Variants in GRIN2A observed in about 807,000 individuals in gnomAD.
GRIN2A encodes glutamate ionotropic receptor NMDA type subunit 2A.
A neutral mutation model predicts 113.4 loss-of-function variants in GRIN2A; 22 were observed. The ratio of observed to expected loss-of-function variants is 0.19; its 90% CI spans 0.14 to 0.28. GRIN2A has a LOEUF of 0.28. Ranked by LOEUF, GRIN2A falls within the 10% of genes least tolerant of loss-of-function variation. The pLI is 1.00. For missense variants in GRIN2A, 1,502 were observed against 1,887.0 expected (o/e 0.80, Z 3.78); for synonymous variants, 827 against 738.4 (o/e 1.12, Z -1.94).
At chr16:10,165,128 G>T (rs768444156) in intron 2 of GRIN2A, among the ~76,000 whole-genome samples, 3 of 152,042 alleles carry the variant, frequency 2.0e-5, no homozygotes, top group Non-Finnish European at 1.5e-5. Flanking sequence ...ACAAGGTATT[G>T]GTTTTCATGG....
chr16:9,863,234 C>G lies in GRIN2A; in HGVS notation c.1123-13273G>C, dbSNP rs139329098. Among the ~76,000 whole-genome samples, 861 of 152,240 alleles carry G rather than the reference C, an allele frequency of 5.7e-3. 7 individuals carry two copies. The highest frequency in any genetic ancestry group is 0.019 in the African/African-American group (778 of 41,540). On this transcript the variant is annotated intron_variant, in intron 4 of 12. Coordinates refer to ENST00000330684, the MANE Select transcript of GRIN2A (RefSeq NM_001134407.3). ...ATATTTCATGGATCAGTTGGGAAGA[C>G]AGTATTAATAATTAGCACCATGCAG...
Position 9,762,569 on chromosome 16 carries a change from C to A in GRIN2A, c.*580G>T. The A allele has an allele frequency of 4.3e-6, 1 of 231,934 alleles. No individual in the cohort carries two copies. The highest frequency in any genetic ancestry group is 8.5e-6 in the Non-Finnish European group (1 of 117,094). 14.4% of individuals were successfully genotyped at this position (231,934 alleles called of 1,614,324 possible). ...CTATTCTTTAGGGGAGCCTGGAGTT[C>A]TTGGGGTGAGCCTGGGCTGTGATGG... On this transcript the variant is annotated 3_prime_UTR_variant, in exon 13 of 13. Transcript: ENST00000330684.
chr16:9,929,397 C>G (rs1204239557), intron 3 of GRIN2A, among the ~76,000 whole-genome samples: 1 of 152,230 alleles, frequency 6.6e-6, no homozygotes, highest in South Asian at 2.1e-4. Flanking sequence ...CCACCATCTA[C>G]TCAGCTATAC....
chr16:10,063,450 G>C (rs1342510260), intron 2 of GRIN2A, among the ~76,000 whole-genome samples: 1 of 152,140 alleles, frequency 6.6e-6, no homozygotes. Flanking sequence ...ACATAACCTG[G>C]TATTTGGCTT....
intron 2 of GRIN2A, among the ~76,000 whole-genome samples, chr16:10,114,537 T>G (rs1190883074): frequency 6.6e-6 from 1 of 152,226 alleles, no homozygotes; most frequent in African/African-American, 2.4e-5. Context: ...GTATCTTCTG[T>G]GTCCCCAGAA....
rs1596505734 is a variant in GRIN2A at position 10,101,373 on chromosome 16, G to A, written c.414+78625C>T. Among the ~76,000 whole-genome samples, 3 of 152,286 alleles carry A rather than the reference G, an allele frequency of 2.0e-5. No individual in the cohort carries two copies. In the South Asian group the frequency reaches 6.2e-4, roughly 32 times the overall value. On this transcript the variant is annotated intron_variant, in intron 2 of 12. Coordinates refer to ENST00000330684, the MANE Select transcript of GRIN2A (RefSeq NM_001134407.3). ...GAACAGAAACTAAAAGCCACAACAT[G>A]AAGCGTATACAAGAACCAGGTAAGT... is the stretch of plus-strand genomic sequence containing the variant.
chr16:9,909,131 G>A (rs1407963557), intron 3 of GRIN2A, among the ~76,000 whole-genome samples: 1 of 152,206 alleles, frequency 6.6e-6, no homozygotes, highest in Non-Finnish European at 1.5e-5. Flanking sequence ...GGAGGACCAA[G>A]TCATGTCTTA....
At chr16:9,776,274 C>T (rs1901596817) in intron 11 of GRIN2A, among the ~76,000 whole-genome samples, 1 of 131,304 alleles carries the variant, frequency 7.6e-6, no homozygotes, top group African/African-American at 2.8e-5. Flanking sequence ...CCATAACATC[C>T]TGGATTTTTT....
At chr16:9,940,093 G>A (rs886073849) in intron 2 of GRIN2A, among the ~76,000 whole-genome samples, 1 of 140,770 alleles carries the variant, frequency 7.1e-6, no homozygotes, top group Admixed American at 7.1e-5. Context: ...TGTGAAAGGT[G>A]GATGTTCCAT....
intron 2 of GRIN2A, among the ~76,000 whole-genome samples, chr16:10,040,572 T>TCACA (rs112132209): frequency 6.7e-6 from 1 of 149,898 alleles, no homozygotes; most frequent in African/African-American, 2.5e-5. Context: ...ACCCACATAT[T>TCACA]CACACACACA....
intron 2 of GRIN2A, among the ~76,000 whole-genome samples, chr16:10,174,893 T>C (rs1039731451): frequency 1.3e-5 from 2 of 150,656 alleles, no homozygotes; most frequent in African/African-American, 4.9e-5. Context: ...TACACATATA[T>C]ATATAGTACA....
intron 2 of GRIN2A, among the ~76,000 whole-genome samples, chr16:10,160,457 C>T (rs545031409): frequency 2.0e-5 from 3 of 152,270 alleles, no homozygotes; most frequent in South Asian, 2.1e-4. Context: ...TTAGGAACCA[C>T]GATATGGCAG....
chr16:9,817,790 C>T (rs1021175154), intron 10 of GRIN2A, among the ~76,000 whole-genome samples: 3 of 152,192 alleles, frequency 2.0e-5, no homozygotes, highest in Non-Finnish European at 4.4e-5. Context: ...GGTGTGCATG[C>T]ACGTGGCTTT....
chr16:9,942,426 C>T (rs995569906), intron 2 of GRIN2A, among the ~76,000 whole-genome samples: 4 of 152,120 alleles, frequency 2.6e-5, no homozygotes, highest in African/African-American at 9.7e-5. Context: ...TCTTTCTGGG[C>T]CTGAGTTTCT....
chr16:10,138,544 C>T (rs375249812), intron 2 of GRIN2A, among the ~76,000 whole-genome samples: 6 of 152,202 alleles, frequency 3.9e-5, no homozygotes, highest in Middle Eastern at 3.4e-3. Context: ...GGGGAAAATC[C>T]GCCCCCGTTA....
intron 8 of GRIN2A, among the ~76,000 whole-genome samples, chr16:9,833,039 A>G (rs2042524510): frequency 6.6e-6 from 1 of 152,224 alleles, no homozygotes; most frequent in Non-Finnish European, 1.5e-5. Context: ...TTCAAGTTCC[A>G]TCCTCTACCA....
intron 2 of GRIN2A, among the ~76,000 whole-genome samples, chr16:10,128,613 C>A (rs2048995968): frequency 6.6e-6 from 1 of 152,214 alleles, no homozygotes; most frequent in Admixed American, 6.5e-5. Flanking sequence ...GAGCATGAAT[C>A]ATGTGTGCCT....
intron 2 of GRIN2A, among the ~76,000 whole-genome samples, chr16:10,054,680 A>C (rs1164262464): frequency 6.6e-6 from 1 of 152,226 alleles, no homozygotes; most frequent in Non-Finnish European, 1.5e-5. Context: ...TTAAAATATA[A>C]ATAGTTAAAA....
At chr16:10,024,069 T>C (rs150425260) in intron 2 of GRIN2A, among the ~76,000 whole-genome samples, 2 of 152,270 alleles carry the variant, frequency 1.3e-5, no homozygotes, top group East Asian at 1.9e-4. Context: ...TCCAAAGACA[T>C]GTTCTTAAGA....
Sources: gnomAD v4.1 joint callset for allele counts (sites outside exome capture counted in the v4.1 genomes callset) on GRCh38, gnomAD v4.1.1 for gene constraint, MANE v1.5 for transcripts, NCBI Gene and HGNC (gene_info 2026-07-23, HGNC 2026-07-21) for gene names.